The following ELAPOR2 variants were observed in gnomAD, a reference collection of about 807,000 sequenced individuals.
ELAPOR2 encodes the protein endosome-lysosome associated apoptosis and autophagy regulator family member 2, also known as endosome/lysosome-associated apoptosis and autophagy regulator family member 2.
A neutral mutation model predicts 120.7 loss-of-function variants in ELAPOR2; 89 were observed. That is an observed-to-expected ratio of 0.74 (90% CI 0.62 to 0.88). ELAPOR2 has a LOEUF of 0.88. ELAPOR2 is among the 40% of genes least tolerant of loss of function. ELAPOR2 has a pLI of 0.00. For synonymous variants in ELAPOR2, 444 were observed against 444.9 expected (o/e 1.00, Z 0.03); for missense variants, 1,134 against 1,251.6 (o/e 0.91, Z 1.42).
At chr7:87,058,995 T>TC (rs896845070) in intron 1 of ELAPOR2, among the ~76,000 whole-genome samples, 2 of 151,488 alleles carry the variant, frequency 1.3e-5, no homozygotes, top group Non-Finnish European at 2.9e-5. Flanking sequence ...TGGTGGGGCT[T>TC]CCCCAGTCTC....
chr7:86,901,913 A>G (rs1262772072), intron 18 of ELAPOR2, among the ~76,000 whole-genome samples: 1 of 152,186 alleles, frequency 6.6e-6, no homozygotes, highest in Non-Finnish European at 1.5e-5. Context: ...TCTTGCTCCA[A>G]AATTTTTTTG....
chr7:87,035,272 C>A (rs1230685886), intron 1 of ELAPOR2, among the ~76,000 whole-genome samples: 1 of 152,082 alleles, frequency 6.6e-6, no homozygotes, highest in Non-Finnish European at 1.5e-5. Context: ...ACACATGGAA[C>A]CTAGGTTTGC....
At position 87,005,093 on chromosome 7, in the gene ELAPOR2, A is replaced by C. The variant is rs7796465; in HGVS notation, c.190-40069T>G. On this transcript the variant is annotated intron_variant, in intron 1 of 21. Coordinates refer to ENST00000450689, the MANE Select transcript of ELAPOR2 (RefSeq NM_001142749.3). The stretch of plus-strand genomic sequence containing the variant: ...GGTCCTGTCTATGTGCTAAAAGGTC[A>C]GCTAGCAATGATTTATGAAATGTGA... Among the ~76,000 whole-genome samples the C allele has an allele frequency of 5.7e-3, 867 of 152,222 alleles. 5 individuals are homozygous for C. The highest frequency in any genetic ancestry group is 0.019 in the African/African-American group (778 of 41,556).
chr7:86,973,746 A>G (rs574588458), intron 1 of ELAPOR2, among the ~76,000 whole-genome samples: 1 of 152,246 alleles, frequency 6.6e-6, no homozygotes, highest in East Asian at 1.9e-4. Flanking sequence ...GAGTATGATA[A>G]AAAGAAGGTG....
chr7:86,947,468 A>T (rs965892966), intron 3 of ELAPOR2, among the ~76,000 whole-genome samples: 1 of 152,238 alleles, frequency 6.6e-6, no homozygotes, highest in Non-Finnish European at 1.5e-5. Flanking sequence ...AAATGTAGTT[A>T]TAAATATGAG....
intron 1 of ELAPOR2, among the ~76,000 whole-genome samples, chr7:87,035,047 C>T (rs1449595331): frequency 6.7e-6 from 1 of 149,520 alleles, no homozygotes; most frequent in Non-Finnish European, 1.5e-5. Context: ...GATAGCACCA[C>T]TACACTCCAG....
intron 1 of ELAPOR2, among the ~76,000 whole-genome samples, chr7:87,051,241 G>C (rs539972772): frequency 6.7e-6 from 1 of 149,950 alleles, no homozygotes; most frequent in Non-Finnish European, 1.5e-5. Flanking sequence ...AAAACTGAGA[G>C]AGATTACAAT....
chr7:86,910,424 C>T (rs748839722), intron 15 of ELAPOR2, among the ~76,000 whole-genome samples: 6 of 151,884 alleles, frequency 4.0e-5, no homozygotes, highest in Non-Finnish European at 8.8e-5. Context: ...CCTTTATGAC[C>T]CTATGTGTAG....
intron 2 of ELAPOR2, among the ~76,000 whole-genome samples, chr7:86,951,539 T>G (rs1791245645): frequency 6.6e-6 from 1 of 152,220 alleles, no homozygotes; most frequent in African/African-American, 2.4e-5. Flanking sequence ...GAAGGAAAAC[T>G]AAGAGATAAA....
At chr7:86,909,743 T>C in intron 16 of ELAPOR2, 69 bp downstream of exon 16, 2 of 1,321,430 alleles carry the variant, frequency 1.5e-6, no homozygotes, top group Non-Finnish European at 2.1e-6. Context: ...ACCAATACAA[T>C]GACAAGTTAT....
At chr7:86,914,601 C>A in intron 13 of ELAPOR2, 122 bp downstream of exon 13, 1 of 713,514 alleles carries the variant, frequency 1.4e-6, no homozygotes, top group African/African-American at 1.8e-5. Flanking sequence ...CCAGATTATT[C>A]ATTCCATATT....
intron 18 of ELAPOR2, among the ~76,000 whole-genome samples, chr7:86,904,845 T>C (rs1009728712): frequency 6.6e-6 from 1 of 152,140 alleles, no homozygotes; most frequent in African/African-American, 2.4e-5. Flanking sequence ...AAGTAAACTT[T>C]TGCCTGGCTT....
intron 21 of ELAPOR2, among the ~76,000 whole-genome samples, chr7:86,888,946 T>C (rs976855315): frequency 5.9e-5 from 9 of 152,112 alleles, no homozygotes; most frequent in Non-Finnish European, 7.4e-5. Flanking sequence ...GCACTTCTTG[T>C]GTAGAAGTCA....
intron 1 of ELAPOR2, among the ~76,000 whole-genome samples, chr7:87,027,409 T>G (rs981059479): frequency 6.6e-6 from 1 of 152,130 alleles, no homozygotes; most frequent in Non-Finnish European, 1.5e-5. Context: ...GCAGAAAAAT[T>G]TTAAGTGTCA....
At chr7:86,893,506 G>A (rs1020510432) in intron 19 of ELAPOR2, among the ~76,000 whole-genome samples, 10 of 151,518 alleles carry the variant, frequency 6.6e-5, no homozygotes, top group African/African-American at 2.2e-4. Context: ...TGAAAGCTTA[G>A]GTTGCTTAAT....
chr7:86,938,095 T>C (rs1790641132), intron 8 of ELAPOR2, 31 bp downstream of exon 8: 14 of 1,491,636 alleles, frequency 9.4e-6, no homozygotes, highest in Non-Finnish European at 1.3e-5. Context: ...TGCAAAAATA[T>C]GGGATGGAGT....
intron 1 of ELAPOR2, among the ~76,000 whole-genome samples, chr7:87,003,568 G>A (rs1793383551): frequency 6.6e-6 from 1 of 152,122 alleles, no homozygotes; most frequent in Non-Finnish European, 1.5e-5. Flanking sequence ...ATGCTTGTAA[G>A]TTTCCTGAGA....
intron 9 of ELAPOR2, 100 bp downstream of exon 9, chr7:86,926,636 C>G: frequency 8.3e-7 from 1 of 1,208,960 alleles, no homozygotes; most frequent in Non-Finnish European, 1.1e-6. Flanking sequence ...AAAAGAAATT[C>G]TGTAACCACT....
chr7:86,984,375 G>A (rs10268694), intron 1 of ELAPOR2, among the ~76,000 whole-genome samples: 57,543 of 151,992 alleles, frequency 0.38, 11,741 homozygotes, highest in African/African-American at 0.53. Flanking sequence ...CAAATCAACA[G>A]AATATACATT....
Sources: gnomAD v4.1 joint callset for allele counts (sites outside exome capture counted in the v4.1 genomes callset) on GRCh38, gnomAD v4.1.1 for gene constraint, MANE v1.5 for transcripts, NCBI Gene and HGNC (gene_info 2026-07-23, HGNC 2026-07-21) for gene names.